The following MAF variants were observed in gnomAD, a reference collection of about 807,000 sequenced individuals.
MAF encodes MAF bZIP transcription factor, also known as transcription factor Maf.
MAF carries 10 observed loss-of-function variants against 22.0 expected under a neutral mutation model. That is an observed-to-expected ratio of 0.45 (90% CI 0.28 to 0.77). The LOEUF is 0.77. Ranked by LOEUF, MAF falls within the 30% of genes least tolerant of loss-of-function variation. The probability of loss-of-function intolerance (pLI) is 0.12; values close to 1 mark genes in which losing one functional copy is unlikely to be tolerated. For missense variants in MAF, 544 were observed against 548.4 expected (o/e 0.99, Z 0.08); for synonymous variants, 337 against 255.8 (o/e 1.32, Z -3.03).
the MAF span, among the ~76,000 whole-genome samples, chr16:79,496,859 A>C: frequency 6.6e-6 from 1 of 152,206 alleles, no homozygotes; most frequent in Non-Finnish European, 1.5e-5. Context: ...CTGATCATCC[A>C]ATCATGACAA....
chr16:79,410,090 G>A, the MAF span, among the ~76,000 whole-genome samples: 1 of 152,134 alleles, frequency 6.6e-6, no homozygotes, highest in Non-Finnish European at 1.5e-5. Flanking sequence ...AATCCCAGTG[G>A]CCATACTTCA....
chr16:79,515,768 A>G, the MAF span, among the ~76,000 whole-genome samples: 807 of 152,050 alleles, frequency 5.3e-3, 11 homozygotes, highest in African/African-American at 0.019. Context: ...TGGCAGTCAC[A>G]TAAGTTGCCT....
chr16:79,560,170 C>G, the MAF span, among the ~76,000 whole-genome samples: 1 of 151,704 alleles, frequency 6.6e-6, no homozygotes, highest in Non-Finnish European at 1.5e-5. Flanking sequence ...CTCGGCTTCC[C>G]AAAGTACTGG....
the MAF span, among the ~76,000 whole-genome samples, chr16:79,444,578 A>G: frequency 1.3e-5 from 2 of 152,194 alleles, no homozygotes; most frequent in Non-Finnish European, 2.9e-5. Context: ...GGCAAAGTGT[A>G]TTTACTCAAG....
chr16:79,286,731 C>A, the MAF span, among the ~76,000 whole-genome samples: 3 of 152,216 alleles, frequency 2.0e-5, no homozygotes, highest in East Asian at 5.8e-4. Context: ...ACAACCCAGA[C>A]AGAGGCAAAT....
chr16:79,579,466 G>A, the MAF span, among the ~76,000 whole-genome samples: 1 of 151,950 alleles, frequency 6.6e-6, no homozygotes, highest in Non-Finnish European at 1.5e-5. Context: ...TATTTTATGA[G>A]CAAAACCCCA....
At chr16:79,284,421 G>A in the MAF span, among the ~76,000 whole-genome samples, 1 of 152,160 alleles carries the variant, frequency 6.6e-6, no homozygotes, top group African/African-American at 2.4e-5. Context: ...TACCTGAGTG[G>A]CAACTATATG....
chr16:79,575,663 G>A, the MAF span, among the ~76,000 whole-genome samples: 1 of 152,164 alleles, frequency 6.6e-6, no homozygotes, highest in African/African-American at 2.4e-5. Flanking sequence ...GAACAAAGCA[G>A]ATGTGCAAAA....
At chr16:79,225,454 A>G in the MAF span, among the ~76,000 whole-genome samples, 1 of 152,204 alleles carries the variant, frequency 6.6e-6, no homozygotes, top group African/African-American at 2.4e-5. Flanking sequence ...AGGTATGGGC[A>G]AAGACATATG....
chr16:79,484,267 G>A, the MAF span, among the ~76,000 whole-genome samples: 1 of 152,196 alleles, frequency 6.6e-6, no homozygotes, highest in African/African-American at 2.4e-5. Context: ...TAGTCAACTG[G>A]TGATGACGAG....
chr16:79,211,458 G>C, the MAF span: 1 of 947,308 alleles, frequency 1.1e-6, no homozygotes. Context: ...ACAGTCATGT[G>C]CTTTCAGCCC....
the MAF span, among the ~76,000 whole-genome samples, chr16:79,446,940 G>GA: frequency 6.6e-6 from 1 of 151,610 alleles, no homozygotes; most frequent in South Asian, 2.1e-4. Context: ...AAAAGAGAGA[G>GA]AAAAAAACAG....
the MAF span, among the ~76,000 whole-genome samples, chr16:79,307,236 G>T: frequency 6.6e-6 from 1 of 152,206 alleles, no homozygotes; most frequent in Non-Finnish European, 1.5e-5. Flanking sequence ...CTGACCACAG[G>T]GCCTGCCTAT....
chr16:79,330,145 C>G, the MAF span, among the ~76,000 whole-genome samples: 1 of 152,080 alleles, frequency 6.6e-6, no homozygotes, highest in Non-Finnish European at 1.5e-5. Flanking sequence ...CATCCTCCTG[C>G]CATATCCCAA....
the MAF span, among the ~76,000 whole-genome samples, chr16:79,371,910 C>G: frequency 2.0e-5 from 3 of 152,334 alleles, no homozygotes; most frequent in Non-Finnish European, 4.4e-5. Flanking sequence ...TATTCACTCT[C>G]CCAAGCTTCG....
intron 1 of MAF, chr16:79,596,014 AGAG>A (rs2143770816): frequency 9.4e-7 from 1 of 1,060,796 alleles, no homozygotes; most frequent in Admixed American, 5.4e-5. Flanking sequence ...TCGGTGTGTA[AGAG>A]AAGAAGGAAA....
chr16:79,316,895 G>T, the MAF span, among the ~76,000 whole-genome samples: 1 of 152,280 alleles, frequency 6.6e-6, no homozygotes, highest in South Asian at 2.1e-4. Context: ...ATGTTCATTG[G>T]ACACCAACAA....
chr16:79,534,186 G>C, the MAF span, among the ~76,000 whole-genome samples: 394 of 152,316 alleles, frequency 2.6e-3, 1 homozygote, highest in African/African-American at 8.8e-3. Flanking sequence ...CTTTGAAGTA[G>C]ACTGTAAATT....
At chr16:79,368,214 C>A in the MAF span, among the ~76,000 whole-genome samples, 3 of 152,166 alleles carry the variant, frequency 2.0e-5, no homozygotes, top group Non-Finnish European at 4.4e-5. Context: ...GGAGCTGATG[C>A]TTTCATTTCA....
Sources: allele counts gnomAD v4.1 joint callset (sites outside exome capture counted in the v4.1 genomes callset), GRCh38; gene constraint gnomAD v4.1.1; transcripts MANE v1.5; gene names NCBI Gene and HGNC (gene_info 2026-07-23, HGNC 2026-07-21).